Variants in IPO5 observed in about 807,000 individuals in gnomAD.
IPO5 encodes the protein importin 5.
A neutral mutation model predicts 143.3 loss-of-function variants in IPO5; 18 were observed. The observed-to-expected ratio is 0.13, with a 90% CI of 0.09 to 0.19. The LOEUF is 0.19. IPO5 is among the 10% of genes least tolerant of loss of function. The pLI is 1.00. For synonymous variants in IPO5, 477 were observed against 465.7 expected (o/e 1.02, Z -0.31); for missense variants, 1,013 against 1,336.9 (o/e 0.76, Z 3.78).
chr13:97,964,256 G>T (rs1028865513), intron 2 of IPO5, among the ~76,000 whole-genome samples: 3 of 152,042 alleles, frequency 2.0e-5, no homozygotes, highest in African/African-American at 7.2e-5. Flanking sequence ...TTTTAGTCAT[G>T]AAGTCATTGC....
At chr13:97,993,262 TG>T (rs1203822567) in intron 11 of IPO5, 37 bp downstream of exon 11, 3 of 1,582,784 alleles carry the variant, frequency 1.9e-6, no homozygotes, top group Non-Finnish European at 1.7e-6. Flanking sequence ...ATGTGTATTG[TG>T]GCCAAATTTT....
chr13:97,980,344 G>A (rs1160591258), intron 4 of IPO5, among the ~76,000 whole-genome samples: 1 of 152,152 alleles, frequency 6.6e-6, no homozygotes. Context: ...GACATCATCT[G>A]TCACTCGTAC....
chr13:98,011,158 T>A, intron 20 of IPO5, among the ~76,000 whole-genome samples: 1 of 152,290 alleles, frequency 6.6e-6, no homozygotes, highest in Non-Finnish European at 1.5e-5. Flanking sequence ...ATAAACACTT[T>A]GGATTTTTGT....
intron 2 of IPO5, among the ~76,000 whole-genome samples, chr13:97,965,697 T>C (rs551790923): frequency 7.6e-4 from 115 of 152,268 alleles, no homozygotes; most frequent in Non-Finnish European, 1.5e-3. Flanking sequence ...AATTGATTTT[T>C]ATATATTGAT....
intron 22 of IPO5, among the ~76,000 whole-genome samples, 174 bp downstream of exon 22, chr13:98,014,388 A>G (rs538556631): frequency 1.3e-5 from 2 of 152,164 alleles, no homozygotes; most frequent in Admixed American, 6.5e-5. Flanking sequence ...AGCAATTCTC[A>G]TGCCTCATCC....
chr13:97,970,020 A>G, intron 3 of IPO5, 190 bp downstream of exon 3: 1 of 572,376 alleles, frequency 1.7e-6, no homozygotes. Context: ...CCTAAATGTC[A>G]ATGTACAAAG....
At chr13:98,013,229 G>A (rs962495686) in intron 21 of IPO5, among the ~76,000 whole-genome samples, 5 of 151,982 alleles carry the variant, frequency 3.3e-5, no homozygotes, top group Non-Finnish European at 7.4e-5. Flanking sequence ...CTAATTTTTT[G>A]TATTTTTTGT....
intron 4 of IPO5, among the ~76,000 whole-genome samples, chr13:97,981,560 G>A (rs1041375958): frequency 6.6e-6 from 1 of 152,200 alleles, no homozygotes; most frequent in Non-Finnish European, 1.5e-5. Flanking sequence ...TAGAGGTATG[G>A]TAGCAATGAG....
At chr13:98,011,274 T>G (rs1594120898) in intron 20 of IPO5, among the ~76,000 whole-genome samples, 1 of 151,894 alleles carries the variant, frequency 6.6e-6, no homozygotes, top group African/African-American at 2.4e-5. Context: ...TTTTTGGGGT[T>G]TTTTTTGTTT....
chr13:97,993,073 A>T, intron 10 of IPO5, 32 bp from the exon 11 acceptor site: 8 of 1,612,766 alleles, frequency 5.0e-6, no homozygotes, highest in Non-Finnish European at 6.8e-6. Context: ...AATCTAAATT[A>T]TTAAATGTAT....
chr13:98,000,300 A>G (rs1888658415), intron 12 of IPO5, among the ~76,000 whole-genome samples: 1 of 152,066 alleles, frequency 6.6e-6, no homozygotes, highest in African/African-American at 2.4e-5. Context: ...AAAAAAAGAA[A>G]AATAAGAATC....
intron 1 of IPO5, 28 bp downstream of exon 1, chr13:97,953,744 G>A (rs1377815764): frequency 3.1e-6 from 1 of 325,046 alleles, no homozygotes; most frequent in African/African-American, 2.2e-5. Context: ...CTCACATTCA[G>A]ATGAAACCAT....
rs778993978 is a variant in IPO5, at chr13:98,002,511, A to G, written c.1153A>G (p.Ile385Val). 1 of 1,614,026 alleles carries G rather than the reference A, an allele frequency of 6.2e-7. No individual in the cohort carries two copies. Among genetic ancestry groups the G allele is most frequent in the Non-Finnish European group, 8.5e-7 (1 of 1,179,948 alleles). The change falls in exon 14 of 29, where the codon ATT (isoleucine) becomes GTT (valine). Residue 385 changes from isoleucine to valine, a missense_variant. By Grantham distance (29) the Ile-to-Val change is conservative. Transcript: ENST00000651721. ...RHAGLMALSA[I>V]GEGCHQQMEG... is the part of the protein sequence containing the mutation. ...TGCAGGATTGATGGCCTTATCTGCC[A>G]TTGGTGAAGGGTGCCACCAGCAAAT...
chr13:97,965,012 A>G (rs1254156064), intron 2 of IPO5, among the ~76,000 whole-genome samples: 3 of 152,198 alleles, frequency 2.0e-5, no homozygotes, highest in Non-Finnish European at 4.4e-5. Context: ...ATGCAGCCAT[A>G]AAAAAGAATG....
At chr13:97,986,712 T>TA (rs1181276215) in intron 6 of IPO5, among the ~76,000 whole-genome samples, 3 of 152,126 alleles carry the variant, frequency 2.0e-5, no homozygotes, top group Non-Finnish European at 2.9e-5. Flanking sequence ...GCAAACATCA[T>TA]AAAAAAATGC....
chr13:97,983,595 C>T (rs941204213), intron 5 of IPO5, among the ~76,000 whole-genome samples: 2 of 121,042 alleles, frequency 1.7e-5, no homozygotes, highest in African/African-American at 3.2e-5. Flanking sequence ...ATATTGAATG[C>T]CATTGAATAT....
rs916591853 is a variant in IPO5 at position 98,024,063 on chromosome 13, T to C, written c.*2241T>C. On this transcript the variant is annotated 3_prime_UTR_variant, in exon 29 of 29. Transcript: ENST00000651721. ...GCAAGCTATTTCTGGAGGGGAAAAA[T>C]GTGTGTGGCTCTTACGTTTTCTGGG... 4.6e-5 allele frequency: 7 copies of C among 152,126 alleles called. No homozygotes were observed. The highest frequency in any genetic ancestry group is 8.8e-5 in the Non-Finnish European group (6 of 68,022). The allele number at this position is 152,126 out of a possible 1,614,324, so 9.4% of individuals were successfully genotyped here.
intron 22 of IPO5, among the ~76,000 whole-genome samples, chr13:98,015,043 AT>A (rs1220648869): frequency 6.6e-6 from 1 of 152,048 alleles, no homozygotes; most frequent in Non-Finnish European, 1.5e-5. Flanking sequence ...TTGATTGAAG[AT>A]TTACAGTTTC....
chr13:97,997,117 T>C (rs1209699839), intron 11 of IPO5, among the ~76,000 whole-genome samples: 1 of 152,072 alleles, frequency 6.6e-6, no homozygotes, highest in East Asian at 1.9e-4. Context: ...AAAAAGCAAA[T>C]TGCCGAGGTA....
Sources: gnomAD v4.1 joint callset for allele counts (sites outside exome capture counted in the v4.1 genomes callset) on GRCh38, gnomAD v4.1.1 for gene constraint, MANE v1.5 for transcripts, NCBI Gene and HGNC (gene_info 2026-07-23, HGNC 2026-07-21) for gene names.